Variants in MBNL2 observed in about 807,000 individuals in gnomAD.
The protein encoded by MBNL2 is muscleblind-like protein 2.
Under a neutral mutation model 41.9 loss-of-function variants are expected in MBNL2, and 17 were observed. That is an observed-to-expected ratio of 0.41 (90% CI 0.28 to 0.61). The LOEUF (loss-of-function observed/expected upper bound fraction) is 0.61. MBNL2 is among the 20% of genes least tolerant of loss of function. MBNL2 has a pLI of 0.35. For missense variants in MBNL2, 336 were observed against 505.6 expected, an observed-to-expected ratio of 0.66 and a Z score of 3.22; for synonymous variants, 195 against 182.9, an observed-to-expected ratio of 1.07 and a Z score of -0.53.
Position 97,275,973 on chromosome 13 carries a change from C to T in MBNL2, c.-263C>T, listed in dbSNP as rs1000906044. On this transcript the variant is annotated 5_prime_UTR_variant, in exon 2 of 9. Coordinates refer to ENST00000679496, the MANE Select transcript of MBNL2 (RefSeq NM_001382683.1). The stretch of plus-strand genomic sequence containing the variant: ...GTATCTGCAAAACAGTCAAGAGACT[C>T]GGACGTTGAAAGCCAGAGATGACAC... The T allele has an allele frequency of 5.1e-5, 18 of 356,266 alleles. No homozygotes were observed. The highest frequency in any genetic ancestry group is 8.6e-5 in the Non-Finnish European group (17 of 196,872). 22.1% of individuals were successfully genotyped at this position (356,266 alleles called of 1,614,324 possible).
intron 1 of MBNL2, among the ~76,000 whole-genome samples, chr13:97,256,031 A>G (rs2152857359): frequency 6.6e-6 from 1 of 152,344 alleles, no homozygotes; most frequent in Middle Eastern, 3.4e-3. Flanking sequence ...TTGGTTGAAG[A>G]AATTAGATCT....
chr13:97,218,440 C>CAAAAA (rs372883729), upstream of MBNL2, among the ~76,000 whole-genome samples: 264 of 117,886 alleles, frequency 2.2e-3, 4 homozygotes, highest in South Asian at 0.031. Flanking sequence ...CAAAACAAAA[C>CAAAAA]AAAAAAAAAA....
the MBNL2 span, among the ~76,000 whole-genome samples, chr13:97,160,439 T>C: frequency 6.6e-6 from 1 of 152,220 alleles, no homozygotes; most frequent in South Asian, 2.1e-4. Flanking sequence ...AGAACAGATA[T>C]GGCCTAATTT....
intron 1 of MBNL2, among the ~76,000 whole-genome samples, chr13:97,266,134 TG>T (rs556032031): frequency 1.3e-5 from 2 of 151,882 alleles, no homozygotes; most frequent in Non-Finnish European, 2.9e-5. Flanking sequence ...CCCAACTACT[TG>T]GGGGGCCGAG....
chr13:97,185,180 T>C, the MBNL2 span, among the ~76,000 whole-genome samples: 1 of 152,228 alleles, frequency 6.6e-6, no homozygotes, highest in Non-Finnish European at 1.5e-5. Flanking sequence ...CATGATGTCC[T>C]GAATTACTCT....
At chr13:97,295,275 G>GCT (rs1360669270) in intron 2 of MBNL2, among the ~76,000 whole-genome samples, 1 of 152,002 alleles carries the variant, frequency 6.6e-6, no homozygotes, top group African/African-American at 2.4e-5. Flanking sequence ...CTCAAGAGCT[G>GCT]CTCAAATAGG....
At chr13:97,184,859 A>T in the MBNL2 span, among the ~76,000 whole-genome samples, 1 of 152,146 alleles carries the variant, frequency 6.6e-6, no homozygotes, top group African/African-American at 2.4e-5. Flanking sequence ...CTTTTCCCTG[A>T]GTCAGACACA....
At chr13:97,159,225 G>C in the MBNL2 span, among the ~76,000 whole-genome samples, 584 of 151,336 alleles carry the variant, frequency 3.9e-3, 11 homozygotes, top group Middle Eastern at 3.4e-3. Flanking sequence ...CAACCCCTGC[G>C]TTTTTTTGTT....
chr13:97,194,566 C>A, the MBNL2 span, among the ~76,000 whole-genome samples: 4 of 151,962 alleles, frequency 2.6e-5, no homozygotes, highest in African/African-American at 9.7e-5. Context: ...AGGGTGAGAC[C>A]GACTGGGCTG....
intron 1 of MBNL2, among the ~76,000 whole-genome samples, chr13:97,257,092 G>C (rs1319388906): frequency 1.3e-5 from 2 of 151,992 alleles, no homozygotes; most frequent in Admixed American, 6.5e-5. Flanking sequence ...AATATGCAGA[G>C]AGCATGAATA....
chr13:97,356,060 G>C (rs1213841298), intron 5 of MBNL2, among the ~76,000 whole-genome samples: 1 of 152,142 alleles, frequency 6.6e-6, no homozygotes, highest in East Asian at 1.9e-4. Context: ...AATACAAGTG[G>C]GGAATTCTGG....
chr13:97,178,162 G>A, the MBNL2 span, among the ~76,000 whole-genome samples: 1 of 152,184 alleles, frequency 6.6e-6, no homozygotes, highest in Non-Finnish European at 1.5e-5. Context: ...GAGGAACATA[G>A]CACTTTGGCA....
intron 1 of MBNL2, among the ~76,000 whole-genome samples, chr13:97,257,474 C>T (rs1443954076): frequency 6.6e-6 from 1 of 152,148 alleles, no homozygotes; most frequent in East Asian, 1.9e-4. Context: ...AAGGGAATGA[C>T]GGAACTGCAT....
At chr13:97,223,308 G>A (rs953348672) in intron 1 of MBNL2, among the ~76,000 whole-genome samples, 1 of 152,162 alleles carries the variant, frequency 6.6e-6, no homozygotes, top group Non-Finnish European at 1.5e-5. Context: ...TCACTATGCC[G>A]AACCATATCA....
chr13:97,205,404 T>TAA, the MBNL2 span, among the ~76,000 whole-genome samples: 1 of 151,096 alleles, frequency 6.6e-6, no homozygotes, highest in East Asian at 1.9e-4. Flanking sequence ...AAATAAAAAA[T>TAA]AAAAAAAAGA....
chr13:97,239,581 T>G (rs1398291287), intron 1 of MBNL2, among the ~76,000 whole-genome samples: 1 of 152,216 alleles, frequency 6.6e-6, no homozygotes, highest in African/African-American at 2.4e-5. Context: ...TGTGCTTTAG[T>G]GCTAAAGAGA....
chr13:97,324,344 C>G (rs745598496), intron 2 of MBNL2, among the ~76,000 whole-genome samples: 16 of 152,238 alleles, frequency 1.1e-4, no homozygotes, highest in Non-Finnish European at 1.6e-4. Context: ...ATGCACCCGT[C>G]GTATGAGGTT....
chr13:97,259,545 C>T (rs1339475237), intron 1 of MBNL2, among the ~76,000 whole-genome samples: 3 of 152,140 alleles, frequency 2.0e-5, no homozygotes, highest in Non-Finnish European at 4.4e-5. Context: ...CCCCTTCCCC[C>T]GATTCAGATG....
At chr13:97,155,057 G>C in the MBNL2 span, among the ~76,000 whole-genome samples, 2 of 152,112 alleles carry the variant, frequency 1.3e-5, no homozygotes, top group East Asian at 1.9e-4. Flanking sequence ...TCAATTGTGA[G>C]ATGAGCCCAA....
Sources: allele counts gnomAD v4.1 joint callset (sites outside exome capture counted in the v4.1 genomes callset), GRCh38; gene constraint gnomAD v4.1.1; transcripts MANE v1.5; gene names NCBI Gene and HGNC (gene_info 2026-07-23, HGNC 2026-07-21).